The following PTGFR variants were observed in gnomAD, a reference collection of about 807,000 sequenced individuals.
PTGFR encodes the protein prostaglandin F2-alpha receptor.
PTGFR carries 15 observed loss-of-function variants against 26.2 expected under a neutral mutation model. That is an observed-to-expected ratio of 0.57 (90% CI 0.38 to 0.88). The LOEUF is 0.88. Ranked by LOEUF, PTGFR falls within the 40% of genes least tolerant of loss-of-function variation. The pLI is 0.00. For synonymous variants in PTGFR, 165 were observed against 151.1 expected, an observed-to-expected ratio of 1.09 and a Z score of -0.68; for missense variants, 369 against 427.2, an observed-to-expected ratio of 0.86 and a Z score of 1.20.
intron 2 of PTGFR, among the ~76,000 whole-genome samples, chr1:78,519,888 A>C (rs1355318051): frequency 6.6e-6 from 1 of 152,094 alleles, no homozygotes; most frequent in Admixed American, 6.6e-5. Context: ...TTCTCTTCTA[A>C]AATTGCAACT....
At chr1:78,510,778 A>T (rs1181776112) in intron 2 of PTGFR, among the ~76,000 whole-genome samples, 1 of 152,196 alleles carries the variant, frequency 6.6e-6, no homozygotes. Context: ...CTGAGACTCA[A>T]GTCAGATTCC....
chr1:78,514,796 T>G (rs1198879888), intron 2 of PTGFR, among the ~76,000 whole-genome samples: 1 of 152,184 alleles, frequency 6.6e-6, no homozygotes, highest in Non-Finnish European at 1.5e-5. Flanking sequence ...CGCCAATGCC[T>G]TGGTGATAAG....
intron 2 of PTGFR, among the ~76,000 whole-genome samples, chr1:78,532,890 TTAAG>T (rs1291326399): frequency 6.6e-6 from 1 of 152,090 alleles, no homozygotes; most frequent in Non-Finnish European, 1.5e-5. Context: ...AGTAAAAATA[TTAAG>T]TAAGAGGTTA....
intron 2 of PTGFR, among the ~76,000 whole-genome samples, chr1:78,514,295 T>G (rs1182232581): frequency 6.6e-6 from 1 of 151,948 alleles, no homozygotes; most frequent in Non-Finnish European, 1.5e-5. Flanking sequence ...ATCTTCCCCC[T>G]TGGGAGCTCA....
rs1393832521 is a variant in PTGFR at position 78,492,796 on chromosome 1, CA to C, written c.56del (p.Asn19ThrfsTer16). The C allele has an allele frequency of 1.2e-6, 2 of 1,614,080 alleles. No homozygotes were observed. The highest frequency in any genetic ancestry group is 1.7e-6 in the Non-Finnish European group (2 of 1,180,044). ...GTGTCTCCTGCAGCTGCGCTTCTTT[CA>C]AACACAACCTGCCAGACGGAAAACC... ...QLVSPAAALL[S>X]NTTCQTENRL... On this transcript the variant is annotated frameshift_variant, in exon 2 of 3. Transcript: ENST00000370757. LOFTEE classifies it high-confidence loss of function.
At chr1:78,510,837 A>G (rs1174661308) in intron 2 of PTGFR, among the ~76,000 whole-genome samples, 1 of 152,202 alleles carries the variant, frequency 6.6e-6, no homozygotes, top group African/African-American at 2.4e-5. Flanking sequence ...ATGGTGGTAC[A>G]AGCATTAGGT....
chr1:78,494,856 G>T (rs937048228), intron 2 of PTGFR, among the ~76,000 whole-genome samples: 1 of 151,974 alleles, frequency 6.6e-6, no homozygotes, highest in African/African-American at 2.4e-5. Context: ...CTTCCGCCTC[G>T]GCCTCCCAAA....
intron 1 of PTGFR, 114 bp from the exon 2 acceptor site, chr1:78,492,558 C>A: frequency 1.7e-6 from 1 of 575,236 alleles, no homozygotes; most frequent in Non-Finnish European, 3.0e-6. Flanking sequence ...TGCAACCTTG[C>A]TTATGATAGG....
In PTGFR at chr1:78,500,329, C is replaced by T. The variant is rs144374196; in HGVS notation, c.798+6788C>T. Among the ~76,000 whole-genome samples the T allele has an allele frequency of 3.9e-5, 6 of 152,232 alleles. No homozygotes were observed. In the South Asian group the frequency reaches 8.3e-4, roughly 21 times the overall value. On this transcript the variant is annotated intron_variant, in intron 2 of 2. Transcript: ENST00000370757. ...CAGAGGATTAATTCTCAAAAAAATCCGACAGACCTTTTTAGTGGACACTGT... is the reference window on the plus strand; with the variant it reads ...CAGAGGATTAATTCTCAAAAAAATCTGACAGACCTTTTTAGTGGACACTGT...
chr1:78,503,737 T>G (rs1378895967), intron 2 of PTGFR, among the ~76,000 whole-genome samples: 1 of 152,240 alleles, frequency 6.6e-6, no homozygotes, highest in Non-Finnish European at 1.5e-5. Flanking sequence ...TGTATTTTTC[T>G]GGCTTTGCTT....
At chr1:78,501,266 T>C (rs1308282767) in intron 2 of PTGFR, among the ~76,000 whole-genome samples, 1 of 152,224 alleles carries the variant, frequency 6.6e-6, no homozygotes, top group East Asian at 1.9e-4. Context: ...TTTATTTGCT[T>C]AAGACTTATC....
intron 2 of PTGFR, among the ~76,000 whole-genome samples, chr1:78,533,220 A>G (rs891170917): frequency 6.6e-6 from 1 of 152,228 alleles, no homozygotes; most frequent in African/African-American, 2.4e-5. Context: ...TTATCCCATG[A>G]TGCTCTAGAA....
At chr1:78,534,683 A>T (rs1650603502) in intron 2 of PTGFR, among the ~76,000 whole-genome samples, 2 of 149,388 alleles carry the variant, frequency 1.3e-5, no homozygotes, top group South Asian at 4.3e-4. Context: ...TCTATGAACA[A>T]AATTACATAT....
intron 2 of PTGFR, among the ~76,000 whole-genome samples, chr1:78,521,494 GA>G (rs748973853): frequency 6.7e-4 from 102 of 152,152 alleles, no homozygotes; most frequent in Admixed American, 6.6e-4. Context: ...TATAAAATTT[GA>G]AAAATACAGA....
intron 2 of PTGFR, among the ~76,000 whole-genome samples, chr1:78,500,453 A>G (rs1241825990): frequency 2.0e-5 from 3 of 152,172 alleles, no homozygotes; most frequent in Non-Finnish European, 4.4e-5. Flanking sequence ...GGGTCAGTCT[A>G]TGTGCAGTGA....
At chr1:78,520,583 T>A (rs1049906770) in intron 2 of PTGFR, among the ~76,000 whole-genome samples, 1 of 152,054 alleles carries the variant, frequency 6.6e-6, no homozygotes, top group African/African-American at 2.4e-5. Context: ...GGTGGTCATT[T>A]TCAGATCTAC....
intron 2 of PTGFR, among the ~76,000 whole-genome samples, chr1:78,533,936 A>G (rs1045010685): frequency 9.9e-5 from 15 of 152,142 alleles, no homozygotes; most frequent in African/African-American, 2.2e-4. Flanking sequence ...CTGGCAATGA[A>G]CATATACTAT....
intron 2 of PTGFR, among the ~76,000 whole-genome samples, chr1:78,528,926 G>A (rs1163339632): frequency 6.6e-6 from 1 of 152,116 alleles, no homozygotes; most frequent in East Asian, 1.9e-4. Flanking sequence ...AATACACACA[G>A]TTTCAATAAG....
chr1:78,493,387 T>G lies in PTGFR; in HGVS notation c.644T>G (p.Val215Gly). ...FSFLGLLALG[V>G]SLLCNAITGI... Reference sequence around the variant, plus strand: ...TTTCTGGGGCTCTTAGCCCTTGGTGTTTCATTGTTGTGCAATGCAATCACA... The same window carrying G: ...TTTCTGGGGCTCTTAGCCCTTGGTGGTTCATTGTTGTGCAATGCAATCACA... The change falls in exon 2 of 3, where the codon GTT becomes GGT. Residue 215 changes from valine to glycine, a missense_variant. Physicochemically the swap from Val to Gly is moderately radical, Grantham distance 109. Coordinates refer to ENST00000370757, the MANE Select transcript of PTGFR (RefSeq NM_000959.4). 6.2e-7 allele frequency: 1 copy of G among 1,613,600 alleles called. No homozygotes were observed. Among genetic ancestry groups the G allele is most frequent in the Non-Finnish European group, 8.5e-7 (1 of 1,179,876 alleles).
Sources: gnomAD v4.1 joint callset for allele counts (sites outside exome capture counted in the v4.1 genomes callset) on GRCh38, gnomAD v4.1.1 for gene constraint, MANE v1.5 for transcripts, NCBI Gene and HGNC (gene_info 2026-07-23, HGNC 2026-07-21) for gene names.